RARB: variants seen among roughly 807,000 people sequenced by gnomAD.
RARB encodes retinoic acid receptor beta, also known as HBV-activated protein.
In RARB, 17 loss-of-function variants were observed where a neutral mutation model predicts 51.9. The ratio of observed to expected loss-of-function variants is 0.33; its 90% CI spans 0.22 to 0.49. The LOEUF (loss-of-function observed/expected upper bound fraction) is 0.49. Among genes scored for constraint, RARB ranks in the 20% least tolerant of loss-of-function variants. The pLI is 0.99. For synonymous variants in RARB, 215 were observed against 195.4 expected, an observed-to-expected ratio of 1.10 and a Z score of -0.84; for missense variants, 369 against 550.8, an observed-to-expected ratio of 0.67 and a Z score of 3.30.
chr3:25,308,448 CTTTT>C (rs549224085), intron 5 of RARB, among the ~76,000 whole-genome samples: 5 of 130,738 alleles, frequency 3.8e-5, no homozygotes, highest in African/African-American at 2.9e-5. Context: ...TTCTTTCTTT[CTTTT>C]TTTTTTTTTT....
intron 5 of RARB, among the ~76,000 whole-genome samples, chr3:25,339,525 G>A (rs186122512): frequency 6.6e-6 from 1 of 151,852 alleles, no homozygotes; most frequent in African/African-American, 2.4e-5. Context: ...GGAGGCTGCT[G>A]GAATCGCAAA....
upstream of RARB, among the ~76,000 whole-genome samples, chr3:25,427,007 G>C (rs1708012204): frequency 6.6e-6 from 1 of 152,174 alleles, no homozygotes; most frequent in Admixed American, 6.5e-5. Flanking sequence ...AGAGAAAACT[G>C]GTCCTTCAAA....
chr3:25,544,563 C>T (rs968518091), intron 3 of RARB, among the ~76,000 whole-genome samples: 4 of 152,130 alleles, frequency 2.6e-5, no homozygotes, highest in African/African-American at 9.7e-5. Context: ...TTTAGCTGAA[C>T]ACACCAAAAA....
chr3:25,202,705 T>C (rs2081777882), intron 5 of RARB, among the ~76,000 whole-genome samples: 1 of 152,208 alleles, frequency 6.6e-6, no homozygotes, highest in Admixed American at 6.5e-5. Context: ...CACTAGTCAT[T>C]CAGGAGCAGG....
At chr3:25,051,933 A>G (rs934198476) in intron 2 of RARB, among the ~76,000 whole-genome samples, 5 of 152,168 alleles carry the variant, frequency 3.3e-5, no homozygotes, top group African/African-American at 7.2e-5. Context: ...TATCCTACCA[A>G]TTTCTCTAAC....
At chr3:25,383,104 G>T (rs373291912) in intron 5 of RARB, among the ~76,000 whole-genome samples, 84 of 152,314 alleles carry the variant, frequency 5.5e-4, no homozygotes, top group African/African-American at 1.8e-3. Flanking sequence ...AAATTCCTGT[G>T]TTTGATCAGG....
chr3:25,331,342 A>G (rs9859468), intron 5 of RARB, among the ~76,000 whole-genome samples: 21,406 of 152,200 alleles, frequency 0.14, 1,699 homozygotes, highest in African/African-American at 0.2. Flanking sequence ...ACCACAGTGC[A>G]ATCAAACTAG....
At chr3:24,878,950 C>T (rs1171504732) in intron 2 of RARB, among the ~76,000 whole-genome samples, 4 of 151,868 alleles carry the variant, frequency 2.6e-5, no homozygotes, top group Admixed American at 2.6e-4. Context: ...TTTATTTCTT[C>T]TCATTAAAAA....
chr3:25,276,523 G>A (rs4681015), intron 5 of RARB, among the ~76,000 whole-genome samples: 65,415 of 152,000 alleles, frequency 0.43, 14,957 homozygotes, highest in Admixed American at 0.58. Flanking sequence ...ATTTAATTCC[G>A]TATTTCATTT....
At chr3:24,856,229 A>G (rs1441417110) in intron 1 of RARB, among the ~76,000 whole-genome samples, 2 of 152,122 alleles carry the variant, frequency 1.3e-5, no homozygotes, top group East Asian at 1.9e-4. Context: ...CCTTCCCCCA[A>G]ATGAGCCAGG....
chr3:24,953,003 A>G (rs902216413), intron 2 of RARB, among the ~76,000 whole-genome samples: 3 of 152,128 alleles, frequency 2.0e-5, no homozygotes, highest in Non-Finnish European at 4.4e-5. Flanking sequence ...GCCTATTGAA[A>G]CTACTCATTG....
chr3:25,461,755 G>A (rs890290445), intron 2 of RARB, among the ~76,000 whole-genome samples: 6 of 152,226 alleles, frequency 3.9e-5, no homozygotes, highest in South Asian at 2.1e-4. Flanking sequence ...TTAGCCAGGC[G>A]TGAGTGGCTG....
intron 5 of RARB, among the ~76,000 whole-genome samples, chr3:25,355,038 T>C (rs926044754): frequency 1.8e-4 from 28 of 152,278 alleles, no homozygotes; most frequent in African/African-American, 6.5e-4. Flanking sequence ...AGCACCTTGC[T>C]GGGTCTACAG....
At chr3:25,035,691 T>C (rs1697977286) in intron 2 of RARB, among the ~76,000 whole-genome samples, 1 of 152,222 alleles carries the variant, frequency 6.6e-6, no homozygotes, top group Non-Finnish European at 1.5e-5. Flanking sequence ...GTTTCAGCTT[T>C]GTGTACCCTA....
chr3:24,952,476 C>G (rs547680677), intron 2 of RARB, among the ~76,000 whole-genome samples: 28 of 152,202 alleles, frequency 1.8e-4, no homozygotes, highest in African/African-American at 6.7e-4. Flanking sequence ...GCGCTCCCCC[C>G]ATCCCCCACT....
At chr3:25,494,275 A>ACACACGCG (rs1553623210) in intron 2 of RARB, among the ~76,000 whole-genome samples, 1 of 102,304 alleles carries the variant, frequency 9.8e-6, no homozygotes, top group Non-Finnish European at 2.0e-5. Flanking sequence ...ACACACACAC[A>ACACACGCG]CACATGCCAT....
intron 5 of RARB, among the ~76,000 whole-genome samples, chr3:25,359,759 T>A (rs566856546): frequency 1.1e-3 from 161 of 152,336 alleles, no homozygotes; most frequent in African/African-American, 3.7e-3. Context: ...GAGCAGGTTG[T>A]TCAGTTTCCA....
chr3:25,382,883 A>G (rs766088611), intron 5 of RARB, among the ~76,000 whole-genome samples: 3 of 152,168 alleles, frequency 2.0e-5, no homozygotes, highest in African/African-American at 7.2e-5. Flanking sequence ...AAAAAGTATC[A>G]GGATAACACA....
intron 3 of RARB, among the ~76,000 whole-genome samples, chr3:25,130,360 C>G (rs1699926235): frequency 6.6e-6 from 1 of 152,152 alleles, no homozygotes; most frequent in East Asian, 1.9e-4. Flanking sequence ...AGCTGAACTT[C>G]ATTAGAACAT....
Sources: allele counts gnomAD v4.1 joint callset (sites outside exome capture counted in the v4.1 genomes callset), GRCh38; gene constraint gnomAD v4.1.1; transcripts MANE v1.5; gene names NCBI Gene and HGNC (gene_info 2026-07-23, HGNC 2026-07-21).